FILIP1L: variants seen among roughly 807,000 people sequenced by gnomAD.
FILIP1L encodes filamin A-interacting protein 1-like.
In FILIP1L, 55 loss-of-function variants were observed where a neutral mutation model predicts 96.6. The observed-to-expected ratio is 0.57, with a 90% CI of 0.46 to 0.71. The LOEUF is 0.71. Among genes scored for constraint, FILIP1L ranks in the 30% least tolerant of loss-of-function variants. The pLI, the probability that FILIP1L is intolerant of heterozygous loss-of-function variation, is 0.00. For synonymous variants in FILIP1L, 467 were observed against 473.9 expected (o/e 0.99, Z 0.19); for missense variants, 1,304 against 1,321.2 (o/e 0.99, Z 0.20).
intron 1 of FILIP1L, among the ~76,000 whole-genome samples, chr3:100,104,818 A>G (rs774355809): frequency 6.6e-6 from 1 of 152,144 alleles, no homozygotes; most frequent in Non-Finnish European, 1.5e-5. Context: ...CCTTACCCCC[A>G]AAACTGGCTG....
intron 1 of FILIP1L, among the ~76,000 whole-genome samples, chr3:100,035,542 C>T (rs772839007): frequency 9.9e-5 from 15 of 152,146 alleles, no homozygotes; most frequent in Non-Finnish European, 1.2e-4. Context: ...CAATTACAGG[C>T]GTGAGACACT....
Position 99,849,280 on chromosome 3 carries a change from T to C in FILIP1L, c.2396A>G (p.Glu799Gly), listed in dbSNP as rs372180517. The C allele has an allele frequency of 3.1e-6, 5 of 1,614,098 alleles. No homozygotes were observed. The highest frequency in any genetic ancestry group is 1.1e-5 in the South Asian group (1 of 91,090). The stretch of plus-strand genomic sequence containing the variant: ...ATTGTCTACTGCTTCTGTCTGAACT[T>C]CTTTAGAAAATACTTGAGGATCGGA... ...RISDPQVFSK[E>G]VQTEAVDNEP... The change falls in exon 5 of 6, where the codon GAA becomes GGA. Residue 799 changes from glutamate (E) to glycine (G), a missense_variant. Physicochemically the swap from Glu to Gly is moderately conservative, Grantham distance 98 (BLOSUM62 -2). Coordinates refer to ENST00000477258, the MANE Select transcript of FILIP1L (RefSeq NM_001387850.1).
chr3:99,919,423 A>G (rs558068905), intron 4 of FILIP1L, among the ~76,000 whole-genome samples: 132 of 148,824 alleles, frequency 8.9e-4, no homozygotes, highest in Non-Finnish European at 1.4e-3. Flanking sequence ...AGTATCTAGT[A>G]TGGGACCTGG....
intron 4 of FILIP1L, among the ~76,000 whole-genome samples, chr3:99,911,923 A>C (rs756719319): frequency 3.3e-5 from 5 of 152,204 alleles, no homozygotes; most frequent in Non-Finnish European, 5.9e-5. Context: ...ACATATAACC[A>C]AAATGTTCGT....
At chr3:99,983,975 T>C (rs957525190) in intron 1 of FILIP1L, among the ~76,000 whole-genome samples, 3 of 151,616 alleles carry the variant, frequency 2.0e-5, no homozygotes, top group African/African-American at 7.3e-5. Context: ...ACCTAACAGA[T>C]TTTTGTTGTT....
At position 100,015,709 on chromosome 3, in the gene FILIP1L, G is replaced by A. The variant is rs116743492; in HGVS notation, c.-10-84679C>T. Among the ~76,000 whole-genome samples the A allele has an allele frequency of 4.4e-3, 663 of 152,236 alleles. 7 individuals are homozygous for A. Among genetic ancestry groups the A allele is most frequent in the African/African-American group, 0.016 (649 of 41,524 alleles). On this transcript the variant is annotated intron_variant, in intron 1 of 5. Transcript: ENST00000477258. ...TTTTCTGTGCTTCAGTGTCTTCATC[G>A]TTTTTGCTTTCATCAAGCTGTAAGT... is the stretch of plus-strand genomic sequence containing the variant.
chr3:100,068,875 A>G (rs746179681), intron 1 of FILIP1L, among the ~76,000 whole-genome samples: 9 of 152,118 alleles, frequency 5.9e-5, no homozygotes, highest in Non-Finnish European at 8.8e-5. Flanking sequence ...TTGTGATTTC[A>G]GAGGTTATTT....
Position 99,975,585 on chromosome 3 carries a change from CA to C in FILIP1L, c.-10-44556del, listed in dbSNP as rs879922288. ...CCAGCCTGCAAATGAGACTCCGTCT[CA>C]AAAAAAAAAAAAATTGATACTTCAT... On this transcript the variant is annotated intron_variant, in intron 1 of 5. Coordinates refer to ENST00000477258, the MANE Select transcript of FILIP1L (RefSeq NM_001387850.1). Among the ~76,000 whole-genome samples the C allele has an allele frequency of 7.9e-3, 893 of 113,510 alleles. 11 individuals are homozygous for C. The highest frequency in any genetic ancestry group is 0.024 in the African/African-American group (725 of 30,270). 74.5% of individuals were successfully genotyped at this position (113,510 alleles called of 152,430 possible). A position where few individuals can be genotyped will look rare whatever the true frequency, so the allele number is the denominator to read the frequency against.
intron 1 of FILIP1L, among the ~76,000 whole-genome samples, chr3:100,017,190 T>C (rs1319605538): frequency 5.9e-5 from 9 of 152,248 alleles, no homozygotes; most frequent in Non-Finnish European, 2.9e-5. Context: ...TGTCTGTATC[T>C]GATTATCAAT....
At chr3:99,833,077 A>T (rs544768969) in intron 5 of FILIP1L, 1 of 664,872 alleles carries the variant, frequency 1.5e-6, no homozygotes, top group African/African-American at 1.9e-5. Context: ...TCAGAGTTGG[A>T]GGCTCCTGGG....
chr3:100,090,589 A>C lies in FILIP1L; in HGVS notation c.-11+23464T>G, dbSNP rs577485290. 1.1e-4 allele frequency among the ~76,000 whole-genome samples: 17 copies of C among 152,314 alleles called. No homozygotes were observed. In the South Asian group the frequency reaches 3.1e-3, roughly 28 times the overall value. On this transcript the variant is annotated intron_variant, in intron 1 of 5. Transcript: ENST00000477258. ...CCCCTGCCTGGGCTCTTTCTCTGCA[A>C]CACTAGCCTCTGCCTTTCCAAAGCC...
chr3:99,880,863 G>A (rs1267996959), intron 4 of FILIP1L, among the ~76,000 whole-genome samples: 3 of 152,030 alleles, frequency 2.0e-5, no homozygotes, highest in African/African-American at 7.3e-5. Flanking sequence ...TTCGTAGTGT[G>A]GATGGACCCT....
At chr3:99,865,259 G>A (rs1246414450) in intron 4 of FILIP1L, among the ~76,000 whole-genome samples, 1 of 152,106 alleles carries the variant, frequency 6.6e-6, no homozygotes, top group Non-Finnish European at 1.5e-5. Flanking sequence ...TTTGCCACAG[G>A]TCCTGGTGAG....
chr3:99,939,537 A>G (rs1236250781), intron 1 of FILIP1L, among the ~76,000 whole-genome samples: 1 of 152,206 alleles, frequency 6.6e-6, no homozygotes, highest in Non-Finnish European at 1.5e-5. Context: ...AAAGATATGC[A>G]TGGAATTGGG....
intron 1 of FILIP1L, among the ~76,000 whole-genome samples, chr3:99,970,357 G>T (rs114093938): frequency 6.6e-6 from 1 of 152,228 alleles, no homozygotes; most frequent in Non-Finnish European, 1.5e-5. Context: ...GGTGTGTGAG[G>T]TGGATGAGAC....
At chr3:99,939,331 C>T (rs773289422) in intron 1 of FILIP1L, among the ~76,000 whole-genome samples, 7 of 152,270 alleles carry the variant, frequency 4.6e-5, no homozygotes, top group South Asian at 2.1e-4. Flanking sequence ...CCTGGTTCTG[C>T]CTCCAGAACT....
At chr3:99,937,532 G>A (rs546841523) in intron 1 of FILIP1L, among the ~76,000 whole-genome samples, 1 of 152,332 alleles carries the variant, frequency 6.6e-6, no homozygotes, top group South Asian at 2.1e-4. Context: ...CAACATGTTA[G>A]CTCTGTGGCC....
chr3:100,113,190 C>T (rs1467360825), intron 1 of FILIP1L, among the ~76,000 whole-genome samples: 1 of 152,154 alleles, frequency 6.6e-6, no homozygotes, highest in African/African-American at 2.4e-5. Flanking sequence ...CTGAATATGT[C>T]ACAACCATTT....
chr3:99,953,092 T>C (rs900732753), intron 1 of FILIP1L, among the ~76,000 whole-genome samples: 4 of 152,244 alleles, frequency 2.6e-5, no homozygotes, highest in Non-Finnish European at 5.9e-5. Flanking sequence ...TATTTTAAAG[T>C]AATTCATACT....
Sources: allele counts gnomAD v4.1 joint callset (sites outside exome capture counted in the v4.1 genomes callset), GRCh38; gene constraint gnomAD v4.1.1; transcripts MANE v1.5; gene names NCBI Gene and HGNC (gene_info 2026-07-23, HGNC 2026-07-21).